The following CASR variants were observed in gnomAD, a reference collection of about 807,000 sequenced individuals.
The protein encoded by CASR is extracellular calcium-sensing receptor.
A neutral mutation model predicts 69.1 loss-of-function variants in CASR; 23 were observed. That is an observed-to-expected ratio of 0.33 (90% confidence interval 0.24 to 0.47). The LOEUF (loss-of-function observed/expected upper bound fraction) is 0.47, where lower values mean the gene tolerates loss of function less well. Ranked by LOEUF, CASR falls within the 20% of genes least tolerant of loss-of-function variation. The pLI is 1.00. For missense variants in CASR, 924 were observed against 1,356.1 expected (o/e 0.68, Z 5.00); for synonymous variants, 541 against 544.7 (o/e 0.99, Z 0.10).
chr3:122,265,050 G>A (rs1184145210), intron 4 of CASR, among the ~76,000 whole-genome samples: 1 of 152,082 alleles, frequency 6.6e-6, no homozygotes, highest in African/African-American at 2.4e-5. Context: ...CACACCAGAA[G>A]GGCCATCAAT....
At chr3:122,278,564 T>C (rs901255631) in intron 5 of CASR, among the ~76,000 whole-genome samples, 1 of 152,348 alleles carries the variant, frequency 6.6e-6, no homozygotes, top group East Asian at 1.9e-4. Flanking sequence ...AATAAGACTG[T>C]TGAGGAGGCT....
chr3:122,259,722 C>T (rs1008550623), intron 3 of CASR, among the ~76,000 whole-genome samples: 31 of 150,894 alleles, frequency 2.1e-4, no homozygotes, highest in Middle Eastern at 3.4e-3. Flanking sequence ...CTCTGCCTCC[C>T]GGGTTCACGC....
intron 1 of CASR, among the ~76,000 whole-genome samples, chr3:122,202,130 T>C (rs1029382699): frequency 3.2e-4 from 49 of 152,140 alleles, no homozygotes; most frequent in Non-Finnish European, 5.7e-4. Flanking sequence ...CTGGGCACCA[T>C]TGAGCACTGA....
intron 5 of CASR, among the ~76,000 whole-genome samples, chr3:122,278,903 T>C (rs2074854050): frequency 6.6e-6 from 1 of 152,164 alleles, no homozygotes; most frequent in Non-Finnish European, 1.5e-5. Context: ...ATACTCCTCT[T>C]TTTCTTTAAA....
chr3:122,272,678 T>G (rs1447491464), intron 4 of CASR, among the ~76,000 whole-genome samples: 1 of 152,236 alleles, frequency 6.6e-6, no homozygotes, highest in Non-Finnish European at 1.5e-5. Context: ...CTAATCCATA[T>G]GAAAACTCCA....
intron 1 of CASR, among the ~76,000 whole-genome samples, chr3:122,237,272 A>G (rs9857082): frequency 0.022 from 3,277 of 151,930 alleles, 113 homozygotes; most frequent in African/African-American, 0.074. Flanking sequence ...ACCACGCCCG[A>G]CTAATTTTTG....
At chr3:122,275,676 C>G in intron 4 of CASR, 136 bp from the exon 5 acceptor site, 1 of 721,438 alleles carries the variant, frequency 1.4e-6, no homozygotes, top group South Asian at 1.5e-5. Context: ...TTAGAAAAAG[C>G]TGTCTCTTCC....
rs532079505 is a variant in CASR at position 122,188,675 on chromosome 3, C to A, written c.-243+4863C>A. 4.6e-5 allele frequency among the ~76,000 whole-genome samples: 7 copies of A among 152,302 alleles called. No homozygotes were observed. The South Asian group carries it at 6.2e-4, about 14-fold the overall frequency. On this transcript the variant is annotated intron_variant, in intron 1 of 6. Transcript: ENST00000639785. ...CAAAGTGGGTGGACATTAGACTTCA[C>A]CTATTTGTCATTGCCTTGAAGTGAC... is the stretch of plus-strand genomic sequence containing the variant.
chr3:122,198,772 TTC>T (rs1409176062), intron 1 of CASR, among the ~76,000 whole-genome samples: 2 of 151,936 alleles, frequency 1.3e-5, no homozygotes, highest in Non-Finnish European at 2.9e-5. Flanking sequence ...CAAAAAATTT[TTC>T]TTTTTATTAT....
chr3:122,223,778 G>T (rs1157718395), intron 1 of CASR, among the ~76,000 whole-genome samples: 1 of 152,098 alleles, frequency 6.6e-6, no homozygotes, highest in Non-Finnish European at 1.5e-5. Flanking sequence ...GAACATCGAT[G>T]CAAAAATCTT....
intron 1 of CASR, among the ~76,000 whole-genome samples, chr3:122,185,337 A>G (rs1394843833): frequency 1.1e-4 from 16 of 152,146 alleles, no homozygotes; most frequent in Admixed American, 9.8e-4. Flanking sequence ...CACTGCCCAC[A>G]TCCCTTAATC....
intron 1 of CASR, among the ~76,000 whole-genome samples, chr3:122,203,804 G>A (rs561924610): frequency 6.6e-6 from 1 of 152,314 alleles, no homozygotes; most frequent in East Asian, 1.9e-4. Flanking sequence ...TATGTGATAG[G>A]AATTTTTTAG....
chr3:122,205,722 G>T (rs1266725342), intron 1 of CASR, among the ~76,000 whole-genome samples: 1 of 151,788 alleles, frequency 6.6e-6, no homozygotes. Flanking sequence ...TTCATTTTTT[G>T]TGTGTGTCCT....
At chr3:122,252,215 C>T (rs1004941699) in intron 1 of CASR, among the ~76,000 whole-genome samples, 7 of 151,198 alleles carry the variant, frequency 4.6e-5, no homozygotes, top group African/African-American at 1.7e-4. Flanking sequence ...GAGAGGACTG[C>T]TTGAGTCTGG....
chr3:122,252,450 A>AAGAAAGAAAGAAAGAAAAG (rs1553765694), intron 1 of CASR, among the ~76,000 whole-genome samples: 24 of 100,622 alleles, frequency 2.4e-4, no homozygotes, highest in African/African-American at 1.0e-3. Flanking sequence ...AGAAAGAAAA[A>AAGAAAGAAAGAAAGAAAAG]AAAGAAAAGA....
chr3:122,270,458 C>A (rs998661140), intron 4 of CASR, among the ~76,000 whole-genome samples: 8 of 152,096 alleles, frequency 5.3e-5, no homozygotes, highest in African/African-American at 1.7e-4. Flanking sequence ...CAGCTTTTGG[C>A]TTTAGTGATT....
chr3:122,252,398 G>GAGA (rs1491128896), intron 1 of CASR, among the ~76,000 whole-genome samples: 2 of 4,740 alleles, frequency 4.2e-4, no homozygotes, highest in South Asian at 7.4e-3. Flanking sequence ...AAGGAAGGAA[G>GAGA]GAAGGAAGGA....
chr3:122,283,251 A>G (rs1033847287), intron 6 of CASR, among the ~76,000 whole-genome samples: 15 of 152,244 alleles, frequency 9.9e-5, no homozygotes, highest in Admixed American at 5.9e-4. Context: ...ATCCCACAAC[A>G]TTATGTTGTA....
At chr3:122,194,005 G>C (rs2073863830) in intron 1 of CASR, among the ~76,000 whole-genome samples, 1 of 152,104 alleles carries the variant, frequency 6.6e-6, no homozygotes, top group Non-Finnish European at 1.5e-5. Flanking sequence ...GTAGGTGGTG[G>C]AAACTAGTCA....
Sources: gnomAD v4.1 joint callset for allele counts (sites outside exome capture counted in the v4.1 genomes callset) on GRCh38, gnomAD v4.1.1 for gene constraint, MANE v1.5 for transcripts, NCBI Gene and HGNC (gene_info 2026-07-23, HGNC 2026-07-21) for gene names.